The following RBMS2 variants were observed in gnomAD, a reference collection of about 807,000 sequenced individuals.
RBMS2 encodes the protein RNA binding motif single stranded interacting protein 2.
A neutral mutation model predicts 58.4 loss-of-function variants in RBMS2; 38 were observed. The ratio of observed to expected loss-of-function variants is 0.65; its 90% confidence interval spans 0.50 to 0.85. The LOEUF (loss-of-function observed/expected upper bound fraction) is 0.85. RBMS2 is among the 40% of genes least tolerant of loss of function. The pLI is 0.00. For missense variants in RBMS2, 367 were observed against 503.7 expected, an observed-to-expected ratio of 0.73 and a Z score of 2.60; for synonymous variants, 151 against 180.7, an observed-to-expected ratio of 0.84 and a Z score of 1.32.
chr12:56,588,986 G>T lies in RBMS2; in HGVS notation c.1198G>T (p.Val400Phe). The change falls in exon 13 of 14, where the codon GTC (valine) becomes TTC (phenylalanine). Residue 400 changes from valine to phenylalanine, a missense_variant. Physicochemically the swap from Val to Phe is conservative, Grantham distance 50. This residue lies in a region of RBMS2 where 220 missense variants were observed against 261.1 expected (regional missense o/e 0.84). Coordinates refer to ENST00000262031, the MANE Select transcript of RBMS2 (RefSeq NM_002898.4). Reference sequence around the variant, plus strand: ...AGTGGACGCACCCTCAGAGCATGGGGTCTATTCTTTCCAGTTCAACAAGTA... The same window carrying T: ...AGTGGACGCACCCTCAGAGCATGGGTTCTATTCTTTCCAGTTCAACAAGTA... ...VAVDAPSEHGVYSFQFNK is the reference protein window; with the variant it reads ...VAVDAPSEHGFYSFQFNK 6.2e-7 allele frequency: 1 copy of T among 1,614,166 alleles called. No individual in the cohort carries two copies. Among genetic ancestry groups the T allele is most frequent in the South Asian group, 1.1e-5 (1 of 91,082 alleles).
In RBMS2 at chr12:56,589,338, G is replaced by T; in HGVS notation, c.*205G>T. The T allele has an allele frequency of 8.0e-7, 1 of 1,244,392 alleles. No homozygotes were observed. The highest frequency in any genetic ancestry group is 1.4e-5 in the South Asian group (1 of 69,628). 77.1% of individuals were successfully genotyped at this position (1,244,392 alleles called of 1,614,324 possible). On this transcript the variant is annotated 3_prime_UTR_variant, in exon 14 of 14. Transcript: ENST00000262031. Reference sequence around the variant, plus strand: ...CCCTTTACTATTGCTGATGGAGCCTGGGGGAACCATCACTTTTTTTGTGTG... The same window carrying T: ...CCCTTTACTATTGCTGATGGAGCCTTGGGGAACCATCACTTTTTTTGTGTG...
At chr12:56,579,425 T>C (rs925479945) in intron 5 of RBMS2, among the ~76,000 whole-genome samples, 2 of 152,088 alleles carry the variant, frequency 1.3e-5, no homozygotes, top group African/African-American at 4.8e-5. Flanking sequence ...GGTCAGGAGA[T>C]GGAGACCATT....
chr12:56,558,889 T>C (rs943901662), intron 1 of RBMS2, among the ~76,000 whole-genome samples: 14 of 152,016 alleles, frequency 9.2e-5, no homozygotes, highest in Non-Finnish European at 7.4e-5. Context: ...CTTAAGCCAC[T>C]GTGCTTGGCC....
In RBMS2 at chr12:56,521,895, CCCTCCCTTTTTT is replaced by C. The variant is rs1441456137; in HGVS notation, c.-121_-110del. 1 of 288,794 alleles carries C rather than the reference CCCTCCCTTTTTT, an allele frequency of 3.5e-6. No individual in the cohort carries two copies. The highest frequency in any genetic ancestry group is 6.4e-6 in the Non-Finnish European group (1 of 155,906). The allele number at this position is 288,794 out of a possible 1,614,324, so 17.9% of individuals were successfully genotyped here. ...CTCCTTTTCTCCTCCTTTCTCCTCCCCCTCCCTTTTTTCCTCCCTCCCTCTCCCCCTTTCCCT... is the reference window on the plus strand; with the variant it reads ...CTCCTTTTCTCCTCCTTTCTCCTCCCCCTCCCTCCCTCTCCCCCTTTCCCT... On this transcript the variant is annotated 5_prime_UTR_variant, in exon 1 of 14. Transcript: ENST00000262031.
At position 56,567,897 on chromosome 12, in the gene RBMS2, C is replaced by T. The variant is rs1187348557; in HGVS notation, c.234-1078C>T. Reference sequence around the variant, plus strand: ...ACTCCCCTCCCTAACACTCTCAAATCTTGACAATGAGAAATAGAAGTCTTA... The same window carrying T: ...ACTCCCCTCCCTAACACTCTCAAATTTTGACAATGAGAAATAGAAGTCTTA... On this transcript the variant is annotated intron_variant, in intron 2 of 13. Coordinates refer to ENST00000262031, the MANE Select transcript of RBMS2 (RefSeq NM_002898.4). Among the ~76,000 whole-genome samples the T allele has an allele frequency of 2.0e-5, 3 of 152,018 alleles. No homozygotes were observed. In the South Asian group the frequency reaches 6.2e-4, roughly 31 times the overall value.
chr12:56,580,745 A>G (rs1420583507), intron 5 of RBMS2, among the ~76,000 whole-genome samples: 1 of 152,234 alleles, frequency 6.6e-6, no homozygotes, highest in Non-Finnish European at 1.5e-5. Flanking sequence ...GATATTATCA[A>G]TAGCTAATTA....
chr12:56,546,137 AG>A (rs1877134573), intron 1 of RBMS2, among the ~76,000 whole-genome samples: 1 of 149,064 alleles, frequency 6.7e-6, no homozygotes, highest in African/African-American at 2.5e-5. Flanking sequence ...TTTTTTTTTG[AG>A]ACAGAGTCTT....
intron 1 of RBMS2, among the ~76,000 whole-genome samples, chr12:56,534,174 T>A (rs1035766140): frequency 4.3e-5 from 6 of 139,512 alleles, no homozygotes; most frequent in Middle Eastern, 3.5e-3. Context: ...TCATGTTGCA[T>A]ATAGATGTGG....
intron 5 of RBMS2, among the ~76,000 whole-genome samples, chr12:56,577,822 A>C (rs1448502841): frequency 6.6e-6 from 1 of 152,016 alleles, no homozygotes; most frequent in Non-Finnish European, 1.5e-5. Context: ...AGCCGGGACC[A>C]CTGGCACATG....
At chr12:56,569,841 G>T in intron 3 of RBMS2, 58 bp from the exon 4 acceptor site, 2 of 1,409,714 alleles carry the variant, frequency 1.4e-6, no homozygotes, top group African/African-American at 2.8e-5. Flanking sequence ...TGAAAAGCCT[G>T]GACCTCTCTG....
intron 1 of RBMS2, among the ~76,000 whole-genome samples, chr12:56,524,950 G>A (rs1872389036): frequency 6.6e-6 from 1 of 152,014 alleles, no homozygotes; most frequent in Non-Finnish European, 1.5e-5. Context: ...TTGAACTCCT[G>A]ACCTCAGGTA....
chr12:56,532,921 T>TTTTTATTTTA (rs148516758), intron 1 of RBMS2, among the ~76,000 whole-genome samples: 1 of 150,214 alleles, frequency 6.7e-6, no homozygotes, highest in Admixed American at 6.7e-5. Context: ...ACTCTCTTGC[T>TTTTTATTTTA]TTTTATTTTA....
chr12:56,553,266 C>G, intron 1 of RBMS2, among the ~76,000 whole-genome samples: 1 of 151,766 alleles, frequency 6.6e-6, no homozygotes, highest in Non-Finnish European at 1.5e-5. Flanking sequence ...ATCCTCCCAC[C>G]TCAGTCTCTT....
chr12:56,588,750 A>T (rs1885025398), intron 12 of RBMS2, 182 bp from the exon 13 acceptor site: 3 of 646,502 alleles, frequency 4.6e-6, no homozygotes, highest in Non-Finnish European at 8.3e-6. Context: ...GCGTCTTGGG[A>T]AGAGGACAGG....
chr12:56,573,751 CTTT>C (rs35292811), intron 5 of RBMS2, among the ~76,000 whole-genome samples: 2 of 139,856 alleles, frequency 1.4e-5, no homozygotes, highest in Non-Finnish European at 1.6e-5. Flanking sequence ...ATGGTCCACA[CTTT>C]TTTTTTTTTT....
chr12:56,565,158 T>C (rs1881119550), intron 2 of RBMS2, among the ~76,000 whole-genome samples: 1 of 152,216 alleles, frequency 6.6e-6, no homozygotes, highest in Non-Finnish European at 1.5e-5. Flanking sequence ...TTATACTGTA[T>C]TGTTTAGGGA....
chr12:56,567,858 A>G (rs958717798), intron 2 of RBMS2, among the ~76,000 whole-genome samples: 2 of 151,976 alleles, frequency 1.3e-5, no homozygotes, highest in African/African-American at 4.8e-5. Context: ...TTTTTTTTTA[A>G]TACTACAGTT....
At position 56,570,002 on chromosome 12, in the gene RBMS2, A is replaced by G; in HGVS notation, c.384+12A>G. The G allele has an allele frequency of 6.3e-7, 1 of 1,596,662 alleles. No homozygotes were observed. The highest frequency in any genetic ancestry group is 8.6e-7 in the Non-Finnish European group (1 of 1,164,332). On this transcript the variant is annotated intron_variant, in intron 4 of 13. Coordinates refer to ENST00000262031, the MANE Select transcript of RBMS2 (RefSeq NM_002898.4). ...CACAGATGGCAAAGGTAAGGGTACT[A>G]CCCCATGTCTGTTCCTCCAAGGGGT...
At position 56,592,528 on chromosome 12, in the gene RBMS2, TCAGA is replaced by T. The variant is rs2136635847; in HGVS notation, c.*3400_*3403del. On this transcript the variant is annotated 3_prime_UTR_variant, in exon 14 of 14. Coordinates refer to ENST00000262031, the MANE Select transcript of RBMS2 (RefSeq NM_002898.4). ...GATGTTTTTATTTTATTTTATTTTTTCAGACAGAGTCTTGCTCTGTCGCCCAGGC... is the reference window on the plus strand; with the variant it reads ...GATGTTTTTATTTTATTTTATTTTTTCAGAGTCTTGCTCTGTCGCCCAGGC... 1 of 152,376 alleles carries T rather than the reference TCAGA, an allele frequency of 6.6e-6. No homozygotes were observed. The highest frequency in any genetic ancestry group is 1.9e-4 in the East Asian group (1 of 5,190). 9.4% of individuals were successfully genotyped at this position (152,376 alleles called of 1,614,324 possible). A position where few individuals can be genotyped will look rare whatever the true frequency, so the allele number is the denominator to read the frequency against.
Sources: gnomAD v4.1 joint callset for allele counts (sites outside exome capture counted in the v4.1 genomes callset) on GRCh38, gnomAD v4.1.1 for gene constraint, gnomAD v4.1.1 regional missense constraint, MANE v1.5 for transcripts, NCBI Gene and HGNC (gene_info 2026-07-23, HGNC 2026-07-21) for gene names.